CCDC7: variants seen among roughly 807,000 people sequenced by gnomAD.
CCDC7 encodes the protein coiled-coil domain-containing protein 7.
CCDC7 carries 183 observed loss-of-function variants against 196.9 expected under a neutral mutation model. The observed-to-expected ratio is 0.93, with a 90% CI of 0.82 to 1.05. The LOEUF (loss-of-function observed/expected upper bound fraction) is 1.05, where lower values mean the gene tolerates loss of function less well. Ranked by LOEUF, CCDC7 falls within the 50% of genes least tolerant of loss-of-function variation. The probability of loss-of-function intolerance (pLI) is 0.00; values close to 1 mark genes in which losing one functional copy is unlikely to be tolerated. For missense variants in CCDC7, 1,540 were observed against 1,482.2 expected, an observed-to-expected ratio of 1.04 and a Z score of -0.64; for synonymous variants, 525 against 484.6, an observed-to-expected ratio of 1.08 and a Z score of -1.10.
chr10:32,635,195 C>T, intron 20 of CCDC7, 37 bp downstream of exon 21: 1 of 397,000 alleles, frequency 2.5e-6, no homozygotes, highest in East Asian at 3.6e-5. Flanking sequence ...AAATTATTTT[C>T]AATTATATTA....
exon 1 of CCDC7, chr10:32,451,829 T>G: frequency 6.2e-7 from 1 of 1,614,180 alleles, no homozygotes; most frequent in Non-Finnish European, 8.5e-7. Flanking sequence ...AGAATCCATT[T>G]TACGGTATGC....
At chr10:32,681,959 A>G (rs2075917772) in intron 21 of CCDC7, among the ~76,000 whole-genome samples, 1 of 151,964 alleles carries the variant, frequency 6.6e-6, no homozygotes, top group Non-Finnish European at 1.5e-5. Context: ...TCTTTCTTCT[A>G]CTGTGCGAAT....
chr10:32,818,460 A>G (rs1470841476), intron 31 of CCDC7, among the ~76,000 whole-genome samples: 1 of 152,158 alleles, frequency 6.6e-6, no homozygotes, highest in East Asian at 1.9e-4. Context: ...ATATCCAGGA[A>G]TTGAACTCAG....
intron 29 of CCDC7, among the ~76,000 whole-genome samples, chr10:32,783,327 C>T (rs983084919): frequency 6.6e-6 from 1 of 152,094 alleles, no homozygotes; most frequent in African/African-American, 2.4e-5. Flanking sequence ...AACTCAACTC[C>T]ATTTAAAAAT....
At chr10:32,518,857 A>G (rs187814874) in intron 11 of CCDC7, among the ~76,000 whole-genome samples, 3 of 151,506 alleles carry the variant, frequency 2.0e-5, no homozygotes, top group Admixed American at 6.6e-5. Flanking sequence ...CATTATACCA[A>G]ATAGAGTAAA....
At chr10:32,650,156 G>A (rs988295669) in intron 20 of CCDC7, among the ~76,000 whole-genome samples, 4 of 152,148 alleles carry the variant, frequency 2.6e-5, no homozygotes, top group Non-Finnish European at 2.9e-5. Context: ...TTTTCATTGT[G>A]TTATAAATTG....
At chr10:32,564,531 C>T (rs2056419453) in intron 13 of CCDC7, among the ~76,000 whole-genome samples, 1 of 151,904 alleles carries the variant, frequency 6.6e-6, no homozygotes, top group African/African-American at 2.4e-5. Context: ...AATCATCATT[C>T]TCAGTAAACT....
chr10:32,513,713 C>T (rs951464293), intron 9 of CCDC7: 10 of 152,098 alleles, frequency 6.6e-5, no homozygotes, highest in Admixed American at 1.3e-4. Flanking sequence ...TATCAATTTA[C>T]ATAATGTGTA....
intron 11 of CCDC7, among the ~76,000 whole-genome samples, chr10:32,531,914 TTTTA>T (rs1428497142): frequency 7.9e-5 from 12 of 152,254 alleles, no homozygotes; most frequent in African/African-American, 2.6e-4. Context: ...TAGCTTCTGA[TTTTA>T]TTTATCTGGG....
intron 28 of CCDC7, among the ~76,000 whole-genome samples, chr10:32,732,285 T>C (rs1159598829): frequency 6.6e-6 from 1 of 152,186 alleles, no homozygotes; most frequent in African/African-American, 2.4e-5. Context: ...AAGTGAGACT[T>C]CAAAGTAATT....
chr10:32,709,710 A>G (rs573341331), intron 24 of CCDC7, among the ~76,000 whole-genome samples: 1 of 152,292 alleles, frequency 6.6e-6, no homozygotes, highest in East Asian at 1.9e-4. Context: ...GCCAGAGACC[A>G]GTACTGGTCA....
At chr10:32,852,387 T>C (rs1366871714) in intron 40 of CCDC7, among the ~76,000 whole-genome samples, 1 of 152,216 alleles carries the variant, frequency 6.6e-6, no homozygotes, top group African/African-American at 2.4e-5. Context: ...ACTCCATTAA[T>C]ATCTAAGAAC....
At chr10:32,701,776 T>A (rs2078770313) in intron 24 of CCDC7, among the ~76,000 whole-genome samples, 1 of 152,172 alleles carries the variant, frequency 6.6e-6, no homozygotes. Flanking sequence ...ATTTATCCAT[T>A]TCTTCTAGAT....
At chr10:32,593,813 C>T (rs2060024919) in intron 18 of CCDC7, among the ~76,000 whole-genome samples, 1 of 152,110 alleles carries the variant, frequency 6.6e-6, no homozygotes, top group Non-Finnish European at 1.5e-5. Context: ...GGAATCCTTT[C>T]CCTATTACTT....
intron 39 of CCDC7, among the ~76,000 whole-genome samples, chr10:32,850,660 G>T (rs1001414664): frequency 6.6e-6 from 1 of 152,050 alleles, no homozygotes; most frequent in East Asian, 1.9e-4. Context: ...TCCAATTTTG[G>T]CATCAGTGCC....
At chr10:32,803,892 T>A (rs2085301420) in intron 29 of CCDC7, among the ~76,000 whole-genome samples, 1 of 152,164 alleles carries the variant, frequency 6.6e-6, no homozygotes, top group Admixed American at 6.5e-5. Flanking sequence ...TTTGATATGG[T>A]TTGGATGTTT....
rs1018570910 is a variant in CCDC7, at chr10:32,669,255, A to G, written c.2122+5094A>G. Reference sequence around the variant, plus strand: ...CCCAGGAGATAAACCACACTTGATCATGGTGAATTCTTCTTTGAATGTGCT... The same window carrying G: ...CCCAGGAGATAAACCACACTTGATCGTGGTGAATTCTTCTTTGAATGTGCT... On this transcript the variant is annotated intron_variant, in intron 21 of 41. Transcript: ENST00000639629. 3.9e-5 allele frequency among the ~76,000 whole-genome samples: 6 copies of G among 152,136 alleles called. 1 individual carries two copies. The highest frequency in any genetic ancestry group is 8.8e-5 in the Non-Finnish European group (6 of 68,024).
chr10:32,709,574 T>G (rs1215117005), intron 24 of CCDC7, among the ~76,000 whole-genome samples: 1 of 152,186 alleles, frequency 6.6e-6, no homozygotes, highest in Non-Finnish European at 1.5e-5. Context: ...CTAATGCCAC[T>G]GGTGATCTGA....
chr10:32,832,911 T>A (rs1041444919), intron 32 of CCDC7, among the ~76,000 whole-genome samples: 4 of 152,082 alleles, frequency 2.6e-5, no homozygotes, highest in African/African-American at 9.7e-5. Flanking sequence ...ATGCAATATA[T>A]TTGACAATAG....
Sources: allele counts gnomAD v4.1 joint callset (sites outside exome capture counted in the v4.1 genomes callset), GRCh38; gene constraint gnomAD v4.1.1; transcripts MANE v1.5; gene names NCBI Gene and HGNC (gene_info 2026-07-23, HGNC 2026-07-21).